NFATC1: variants seen among roughly 807,000 people sequenced by gnomAD.
The protein encoded by NFATC1 is nuclear factor of activated T cells 1, also known as nuclear factor of activated T-cells, cytoplasmic 1.
NFATC1 carries 22 observed loss-of-function variants against 76.0 expected under a neutral mutation model. The ratio of observed to expected loss-of-function variants is 0.29; its 90% CI spans 0.21 to 0.41. NFATC1 has a LOEUF of 0.41. NFATC1 is among the 10% of genes least tolerant of loss of function. The probability of loss-of-function intolerance (pLI) is 1.00; values close to 1 mark genes in which losing one functional copy is unlikely to be tolerated. For synonymous variants in NFATC1, 704 were observed against 613.1 expected, an observed-to-expected ratio of 1.15 and a Z score of -2.19; for missense variants, 1,357 against 1,337.7, an observed-to-expected ratio of 1.01 and a Z score of -0.23.
chr18:79,407,013 G>A (rs1180725260), intron 1 of NFATC1, among the ~76,000 whole-genome samples: 1 of 152,246 alleles, frequency 6.6e-6, no homozygotes, highest in African/African-American at 2.4e-5. Flanking sequence ...CTTTGCACGG[G>A]CCACGGAGGG....
At chr18:79,492,646 T>C (rs1233431964) in intron 9 of NFATC1, among the ~76,000 whole-genome samples, 1 of 151,714 alleles carries the variant, frequency 6.6e-6, no homozygotes, top group Non-Finnish European at 1.5e-5. Context: ...GAGGCGGAGC[T>C]TGCAGAGAGC....
At chr18:79,405,862 G>C (rs998823430) in intron 1 of NFATC1, among the ~76,000 whole-genome samples, 1 of 152,132 alleles carries the variant, frequency 6.6e-6, no homozygotes, top group African/African-American at 2.4e-5. Flanking sequence ...CCAGGCGTCC[G>C]TGGGCCTCTG....
At chr18:79,433,472 C>T (rs1181530360) in intron 2 of NFATC1, 107 bp from the exon 3 acceptor site, 37 of 1,329,454 alleles carry the variant, frequency 2.8e-5, no homozygotes, top group Non-Finnish European at 3.7e-5. Flanking sequence ...GACGTGCACT[C>T]GCCGATGAAG....
chr18:79,438,025 C>T lies in NFATC1; in HGVS notation c.1386+4287C>T, dbSNP rs540786365. ...TCGTGCAACTCATTGCCTTTCTGGGCGTGAAGGTGGAGGCTGGTCCTCCAC... is the reference window on the plus strand; with the variant it reads ...TCGTGCAACTCATTGCCTTTCTGGGTGTGAAGGTGGAGGCTGGTCCTCCAC... On this transcript the variant is annotated intron_variant, in intron 3 of 9. Coordinates refer to ENST00000427363, the MANE Select transcript of NFATC1 (RefSeq NM_001278669.2). 1.4e-3 allele frequency among the ~76,000 whole-genome samples: 218 copies of T among 152,308 alleles called. 1 individual carries two copies. Among genetic ancestry groups the T allele is most frequent in the African/African-American group, 4.8e-3 (198 of 41,572 alleles).
chr18:79,438,596 C>T (rs1038767979), intron 3 of NFATC1, among the ~76,000 whole-genome samples: 2 of 152,226 alleles, frequency 1.3e-5, no homozygotes, highest in South Asian at 2.1e-4. Context: ...AGCCTCGGCC[C>T]GTTCTGAAAC....
chr18:79,507,377 G>C (rs1333997105), intron 9 of NFATC1, among the ~76,000 whole-genome samples: 1 of 152,198 alleles, frequency 6.6e-6, no homozygotes, highest in African/African-American at 2.4e-5. Flanking sequence ...GGAGCCATGC[G>C]AGCGGCCGCG....
intron 3 of NFATC1, among the ~76,000 whole-genome samples, chr18:79,444,423 C>G (rs1476566011): frequency 6.6e-6 from 1 of 152,146 alleles, no homozygotes; most frequent in African/African-American, 2.4e-5. Context: ...GTGTCCTTCC[C>G]CCACCCACCC....
chr18:79,494,680 A>G (rs2089819058), intron 9 of NFATC1, among the ~76,000 whole-genome samples: 1 of 88,794 alleles, frequency 1.1e-5, no homozygotes. Flanking sequence ...GGAAGGCGAG[A>G]GCGGGCACAC....
Position 79,486,795 on chromosome 18 carries a change from C to T in NFATC1, c.2640C>T (p.Ser880=). The T allele has an allele frequency of 6.2e-7, 1 of 1,610,538 alleles. No homozygotes were observed. The highest frequency in any genetic ancestry group is 8.5e-7 in the Non-Finnish European group (1 of 1,178,932). The change falls in exon 9 of 10, where the codon TCC becomes TCT. Residue 880 remains serine (S), a synonymous_variant. Transcript: ENST00000427363. ...CGGGCCGCCCGCAGCACCTGCCGTC[C>T]ACGGTCCGCAGGGACGAGTCTCCGA... ...PATGRPQHLP[S]TVRRDESPTA...
Position 79,396,116 on chromosome 18 carries a change from T to G in NFATC1, c.-109T>G. The G allele has an allele frequency of 1.1e-5, 13 of 1,188,784 alleles. No homozygotes were observed. The highest frequency in any genetic ancestry group is 1.2e-5 in the Non-Finnish European group (11 of 947,762). The allele number at this position is 1,188,784 out of a possible 1,614,324, so 73.6% of individuals were successfully genotyped here. On this transcript the variant is annotated 5_prime_UTR_variant, in exon 1 of 10. It removes the in-frame stop codon of an upstream open reading frame in the 5' UTR. Coordinates refer to ENST00000427363, the MANE Select transcript of NFATC1 (RefSeq NM_001278669.2). ...GACTTTCCTCCGGGGCGCGCGGCGC[T>G]GAGCCCGGGGCGAGGGCTGTCTTCC...
intron 6 of NFATC1, among the ~76,000 whole-genome samples, chr18:79,460,769 C>T (rs187496776): frequency 6.6e-6 from 1 of 152,186 alleles, no homozygotes; most frequent in African/African-American, 2.4e-5. Context: ...CGCACCCTGG[C>T]GTGGAGCCCC....
At chr18:79,509,250 A>T (rs1376039536) in intron 9 of NFATC1, among the ~76,000 whole-genome samples, 1 of 152,112 alleles carries the variant, frequency 6.6e-6, no homozygotes, top group Non-Finnish European at 1.5e-5. Flanking sequence ...AGCTGCCTTC[A>T]AGGCGGAGCT....
intron 2 of NFATC1, among the ~76,000 whole-genome samples, chr18:79,424,077 C>T (rs73494207): frequency 2.0e-5 from 3 of 152,326 alleles, no homozygotes; most frequent in East Asian, 1.9e-4. Context: ...TGTCTTGGGT[C>T]GTGGAAGAAA....
chr18:79,469,506 C>T, intron 8 of NFATC1: 1 of 985,710 alleles, frequency 1.0e-6, no homozygotes, highest in Non-Finnish European at 1.2e-6. Context: ...CTCCAGTCCA[C>T]ACCCCACCTG....
At chr18:79,420,416 G>A (rs185966953) in intron 2 of NFATC1, among the ~76,000 whole-genome samples, 1 of 150,836 alleles carries the variant, frequency 6.6e-6, no homozygotes, top group Non-Finnish European at 1.5e-5. Flanking sequence ...GCTGCAGAGG[G>A]GAAGAGGGGG....
Position 79,433,655 on chromosome 18 carries a change from A to G in NFATC1, c.1303A>G (p.Lys435Glu). 1 of 1,612,938 alleles carries G rather than the reference A, an allele frequency of 6.2e-7. No individual in the cohort carries two copies. The highest frequency in any genetic ancestry group is 8.5e-7 in the Non-Finnish European group (1 of 1,179,908). ...PYELRIEVQP[K>E]SHHRAHYETE... is the part of the protein sequence containing the mutation. ...TGAGCTTCGGATTGAGGTGCAGCCC[A>G]AGTCCCACCACCGAGCCCACTACGA... Residue 435 changes from lysine to glutamate, a missense_variant, in exon 3 of 10, where the codon AAG (lysine) becomes GAG (glutamate). This residue lies in a region of NFATC1 where 691 missense variants were observed against 613.1 expected (regional missense o/e 1.13). Coordinates refer to ENST00000427363, the MANE Select transcript of NFATC1 (RefSeq NM_001278669.2).
intron 2 of NFATC1, among the ~76,000 whole-genome samples, chr18:79,416,074 A>G (rs1296676806): frequency 1.3e-5 from 2 of 152,260 alleles, no homozygotes; most frequent in African/African-American, 2.4e-5. Flanking sequence ...AAACAAACAA[A>G]AAAACCCTGT....
At chr18:79,415,273 C>A (rs1449708397) in intron 2 of NFATC1, among the ~76,000 whole-genome samples, 1 of 152,094 alleles carries the variant, frequency 6.6e-6, no homozygotes, top group Non-Finnish European at 1.5e-5. Context: ...AATTCAATTT[C>A]TTTTTATTTT....
chr18:79,474,696 A>T (rs2088968445), intron 8 of NFATC1, among the ~76,000 whole-genome samples: 1 of 139,776 alleles, frequency 7.2e-6, no homozygotes, highest in African/African-American at 2.7e-5. Context: ...CTCACTGTCG[A>T]CGTTGTGAGG....
Sources: allele counts gnomAD v4.1 joint callset (sites outside exome capture counted in the v4.1 genomes callset), GRCh38; gene constraint gnomAD v4.1.1; regional missense constraint gnomAD v4.1.1; transcripts MANE v1.5; gene names NCBI Gene and HGNC (gene_info 2026-07-23, HGNC 2026-07-21).